The following GALNTL6 variants were observed in gnomAD, a reference collection of about 807,000 sequenced individuals.
The protein encoded by GALNTL6 is polypeptide N-acetylgalactosaminyltransferase-like 6.
Under a neutral mutation model 73.7 loss-of-function variants are expected in GALNTL6, and 46 were observed. The observed-to-expected ratio is 0.62, with a 90% CI of 0.49 to 0.80. The LOEUF is 0.80. GALNTL6 is among the 30% of genes least tolerant of loss of function. The pLI is 0.00. For synonymous variants in GALNTL6, 259 were observed against 263.7 expected (o/e 0.98, Z 0.17); for missense variants, 604 against 755.0 (o/e 0.80, Z 2.34).
At chr4:172,235,217 T>G (rs1737201228) in intron 3 of GALNTL6, among the ~76,000 whole-genome samples, 1 of 152,164 alleles carries the variant, frequency 6.6e-6, no homozygotes, top group Non-Finnish European at 1.5e-5. Flanking sequence ...CTTTTTTGTT[T>G]GTTTGTTTGA....
intron 2 of GALNTL6, among the ~76,000 whole-genome samples, chr4:172,004,659 A>C (rs999803040): frequency 6.6e-6 from 1 of 152,126 alleles, no homozygotes; most frequent in Non-Finnish European, 1.5e-5. Context: ...ATATGCTCTA[A>C]TATATGTCTT....
At chr4:172,396,040 T>A (rs910380492) in intron 5 of GALNTL6, among the ~76,000 whole-genome samples, 2 of 152,026 alleles carry the variant, frequency 1.3e-5, no homozygotes, top group East Asian at 3.9e-4. Context: ...ATTATAAAAG[T>A]CATGGAAACA....
chr4:172,657,245 G>A (rs377556033), intron 5 of GALNTL6, among the ~76,000 whole-genome samples: 2 of 152,158 alleles, frequency 1.3e-5, no homozygotes, highest in South Asian at 2.1e-4. Flanking sequence ...TAGCACCTCT[G>A]AGCCTGAGCT....
At chr4:172,912,326 T>C (rs1747250983) in intron 8 of GALNTL6, among the ~76,000 whole-genome samples, 1 of 152,216 alleles carries the variant, frequency 6.6e-6, no homozygotes, top group South Asian at 2.1e-4. Context: ...GGGTGATTTC[T>C]GCATTTCCAA....
chr4:172,197,045 A>T (rs1735796472), intron 2 of GALNTL6, among the ~76,000 whole-genome samples: 1 of 152,122 alleles, frequency 6.6e-6, no homozygotes, highest in Admixed American at 6.5e-5. Flanking sequence ...AAATCCCATC[A>T]TCTCAGCCCA....
intron 2 of GALNTL6, among the ~76,000 whole-genome samples, chr4:171,974,573 A>G (rs1005976338): frequency 6.6e-6 from 1 of 152,208 alleles, no homozygotes; most frequent in African/African-American, 2.4e-5. Context: ...GACACATGCT[A>G]TTCATTTCTC....
At chr4:172,362,462 G>A (rs1742405462) in intron 5 of GALNTL6, among the ~76,000 whole-genome samples, 3 of 151,704 alleles carry the variant, frequency 2.0e-5, no homozygotes, top group African/African-American at 7.3e-5. Context: ...TTCTTATCTG[G>A]GGCATGCTTT....
Position 172,227,780 on chromosome 4 carries a change from A to G in GALNTL6, c.139-1876A>G, listed in dbSNP as rs112009122. Among the ~76,000 whole-genome samples, 1,058 of 152,280 alleles carry G rather than the reference A, an allele frequency of 6.9e-3. 11 individuals are homozygous for G. The highest frequency in any genetic ancestry group is 0.024 in the African/African-American group (984 of 41,552). ...TTTGTGTTCAATTAACTTTTGTTCA[A>G]TCTGCATTATATTACTACTTATTAA... On this transcript the variant is annotated intron_variant, in intron 2 of 12. Transcript: ENST00000506823.
intron 3 of GALNTL6, among the ~76,000 whole-genome samples, chr4:172,294,013 G>A (rs998353253): frequency 6.6e-6 from 1 of 151,006 alleles, no homozygotes; most frequent in African/African-American, 2.4e-5. Flanking sequence ...ACTCATTTAG[G>A]ATCACAGCCT....
At chr4:173,006,073 T>C (rs894535449) in intron 10 of GALNTL6, among the ~76,000 whole-genome samples, 4 of 152,158 alleles carry the variant, frequency 2.6e-5, no homozygotes, top group Admixed American at 1.3e-4. Flanking sequence ...TATGTTTTTT[T>C]CTCCCCCACA....
At chr4:171,852,278 G>A (rs1054720841) in intron 2 of GALNTL6, among the ~76,000 whole-genome samples, 3 of 151,924 alleles carry the variant, frequency 2.0e-5, no homozygotes, top group Non-Finnish European at 4.4e-5. Flanking sequence ...TGAACAATTG[G>A]CTCTTATTCA....
intron 3 of GALNTL6, among the ~76,000 whole-genome samples, chr4:172,306,186 C>T (rs1318994869): frequency 1.3e-5 from 2 of 152,004 alleles, no homozygotes; most frequent in Non-Finnish European, 2.9e-5. Context: ...GCCAGAAGTT[C>T]GAGACCAACC....
intron 7 of GALNTL6, among the ~76,000 whole-genome samples, chr4:172,856,231 A>G (rs1030281247): frequency 3.3e-5 from 5 of 152,222 alleles, no homozygotes; most frequent in East Asian, 1.9e-4. Context: ...TCTTTATGCA[A>G]TGAGTGACTG....
intron 2 of GALNTL6, among the ~76,000 whole-genome samples, chr4:172,179,179 G>A (rs949155997): frequency 3.4e-5 from 5 of 148,368 alleles, no homozygotes; most frequent in African/African-American, 5.0e-5. Context: ...CCAGTAATGG[G>A]ATGGCTGGGT....
chr4:172,429,785 G>A (rs74589312), intron 5 of GALNTL6, among the ~76,000 whole-genome samples: 2,462 of 152,206 alleles, frequency 0.016, 33 homozygotes, highest in Middle Eastern at 0.041. Flanking sequence ...AAAAGTTTGG[G>A]AATAGTATAA....
At chr4:172,466,907 GCATTTA>G (rs199742444) in intron 5 of GALNTL6, among the ~76,000 whole-genome samples, 5,751 of 152,094 alleles carry the variant, frequency 0.038, 332 homozygotes, top group African/African-American at 0.13. Flanking sequence ...TACGAGATTT[GCATTTA>G]CATTTCACTT....
At chr4:172,641,673 C>T (rs187624553) in intron 5 of GALNTL6, among the ~76,000 whole-genome samples, 143 of 152,130 alleles carry the variant, frequency 9.4e-4, no homozygotes, top group Non-Finnish European at 1.3e-3. Context: ...TCAACCTGGA[C>T]GTTTTCTTTA....
chr4:172,123,452 G>T (rs1297207593), intron 2 of GALNTL6, among the ~76,000 whole-genome samples: 1 of 148,604 alleles, frequency 6.7e-6, no homozygotes, highest in Admixed American at 6.7e-5. Flanking sequence ...CTTAAATTTG[G>T]AAAATAAAAC....
chr4:172,138,571 T>C (rs1332737464), intron 2 of GALNTL6, among the ~76,000 whole-genome samples: 1 of 117,322 alleles, frequency 8.5e-6, no homozygotes, highest in Non-Finnish European at 1.7e-5. Flanking sequence ...GCTCTGTCGC[T>C]CAGGCTAGAG....
Sources: gnomAD v4.1 joint callset for allele counts (sites outside exome capture counted in the v4.1 genomes callset) on GRCh38, gnomAD v4.1.1 for gene constraint, MANE v1.5 for transcripts, NCBI Gene and HGNC (gene_info 2026-07-23, HGNC 2026-07-21) for gene names.